MRC1: variants seen among roughly 807,000 people sequenced by gnomAD.
The protein encoded by MRC1 is mannose receptor C-type 1.
MRC1 carries 62 observed loss-of-function variants against 102.9 expected under a neutral mutation model. The ratio of observed to expected loss-of-function variants is 0.60; its 90% CI spans 0.49 to 0.74. The LOEUF is 0.74. Among genes scored for constraint, MRC1 ranks in the 30% least tolerant of loss-of-function variants. The pLI is 0.00. For synonymous variants in MRC1, 457 were observed against 298.4 expected, an observed-to-expected ratio of 1.53 and a Z score of -5.48; for missense variants, 1,237 against 862.8, an observed-to-expected ratio of 1.43 and a Z score of -5.43.
intron 22 of MRC1, among the ~76,000 whole-genome samples, chr10:17,890,879 G>A (rs1297076732): frequency 6.6e-6 from 1 of 152,034 alleles, no homozygotes; most frequent in Non-Finnish European, 1.5e-5. Flanking sequence ...ATTTACAGCC[G>A]TTCCTCGTCA....
intron 3 of MRC1, among the ~76,000 whole-genome samples, chr10:17,829,628 C>T (rs1487413064): frequency 6.6e-6 from 1 of 151,450 alleles, no homozygotes; most frequent in Non-Finnish European, 1.5e-5. Flanking sequence ...TAAGATAAAG[C>T]AATACTTGGT....
chr10:17,881,670 A>ATTT (rs1184943960), intron 21 of MRC1, among the ~76,000 whole-genome samples: 22,872 of 101,170 alleles, frequency 0.23, 2,374 homozygotes, highest in Admixed American at 0.25. Flanking sequence ...ACAAATTTTG[A>ATTT]TTTTTTTTTT....
chr10:17,905,880 A>G (rs1198831211), intron 26 of MRC1, among the ~76,000 whole-genome samples: 1 of 152,190 alleles, frequency 6.6e-6, no homozygotes, highest in African/African-American at 2.4e-5. Context: ...CAAAGATGGT[A>G]CCTATTTAAT....
intron 26 of MRC1, among the ~76,000 whole-genome samples, chr10:17,904,655 G>C (rs1027670151): frequency 2.9e-4 from 44 of 152,202 alleles, no homozygotes; most frequent in Non-Finnish European, 3.4e-4. Flanking sequence ...GGATCTGTCT[G>C]TGTGTTGGGA....
At chr10:17,844,002 G>C (rs1027145570) in intron 5 of MRC1, among the ~76,000 whole-genome samples, 13 of 152,288 alleles carry the variant, frequency 8.5e-5, no homozygotes, top group African/African-American at 3.1e-4. Flanking sequence ...TATTAGAGTA[G>C]CAAAACGCAT....
chr10:17,827,756 G>T, intron 3 of MRC1, 41 bp downstream of exon 3: 1 of 780,024 alleles, frequency 1.3e-6, no homozygotes, highest in Non-Finnish European at 2.4e-6. Flanking sequence ...GGCACATTTA[G>T]TCTGATAATG....
chr10:17,905,212 T>A (rs1014943371), intron 26 of MRC1, among the ~76,000 whole-genome samples: 27 of 152,232 alleles, frequency 1.8e-4, no homozygotes, highest in African/African-American at 6.3e-4. Context: ...GGCTGTTGGT[T>A]TTTAAGGCTA....
At position 17,858,657 on chromosome 10, in the gene MRC1, T is replaced by G. The variant is rs915828764; in HGVS notation, c.1518+2305T>G. ...CACAAGCTACCATGCCTGGCTAATT[T>G]TTGTATTTTTGGTAGAGATGGAGTT... is the stretch of plus-strand genomic sequence containing the variant. On this transcript the variant is annotated intron_variant, in intron 9 of 29. Transcript: ENST00000569591. Among the ~76,000 whole-genome samples, 11 of 152,276 alleles carry G rather than the reference T, an allele frequency of 7.2e-5. No homozygotes were observed. In the East Asian group the frequency reaches 2.1e-3, roughly 29 times the overall value.
intron 19 of MRC1, 107 bp from the exon 20 acceptor site, chr10:17,880,418 G>T (rs1262065318): frequency 2.7e-6 from 2 of 741,156 alleles, no homozygotes; most frequent in African/African-American, 3.5e-5. Flanking sequence ...TTTGATTATA[G>T]TCTAAATAAG....
chr10:17,812,887 T>C (rs1158703585), intron 1 of MRC1, among the ~76,000 whole-genome samples: 1 of 152,124 alleles, frequency 6.6e-6, no homozygotes, highest in Non-Finnish European at 1.5e-5. Flanking sequence ...AGGCTCTTGC[T>C]AGCTGCTGCT....
At chr10:17,859,538 G>T (rs1227268267) in intron 9 of MRC1, among the ~76,000 whole-genome samples, 1 of 152,222 alleles carries the variant, frequency 6.6e-6, no homozygotes. Context: ...AGGTGGTCTT[G>T]AACTCCTGAC....
intron 2 of MRC1, 98 bp from the exon 3 acceptor site, chr10:17,827,444 G>GAGT: frequency 3.8e-6 from 2 of 531,930 alleles, no homozygotes; most frequent in South Asian, 3.3e-5. Context: ...AGTGTAATCA[G>GAGT]AACAGTAAGA....
At position 17,815,045 on chromosome 10, in the gene MRC1, C is replaced by T. The variant is rs193278909; in HGVS notation, c.61+5519C>T. Among the ~76,000 whole-genome samples, 709 of 152,150 alleles carry T rather than the reference C, an allele frequency of 4.7e-3. 6 individuals are homozygous for T. Among genetic ancestry groups the T allele is most frequent in the African/African-American group, 0.017 (687 of 41,512 alleles). On this transcript the variant is annotated intron_variant, in intron 1 of 29. Transcript: ENST00000569591. ...TCTGAAACATCTCACACTGTCTGTA[C>T]GACTGATTTTGCCAAGTTAACAATA...
intron 5 of MRC1, among the ~76,000 whole-genome samples, chr10:17,842,541 G>A (rs1017493486): frequency 6.6e-6 from 1 of 152,064 alleles, no homozygotes; most frequent in Non-Finnish European, 1.5e-5. Context: ...TTACTGCAAG[G>A]GAATACATAT....
At chr10:17,818,157 C>G (rs1367022341) in intron 1 of MRC1, among the ~76,000 whole-genome samples, 7 of 152,254 alleles carry the variant, frequency 4.6e-5, no homozygotes, top group African/African-American at 1.4e-4. Flanking sequence ...TTCTAAATTG[C>G]TCTTCAGTAA....
In MRC1 at chr10:17,881,849, T is replaced by G. The variant is rs1261566412; in HGVS notation, c.2980+668T>G. On this transcript the variant is annotated intron_variant, in intron 21 of 29. Coordinates refer to ENST00000569591, the MANE Select transcript of MRC1 (RefSeq NM_002438.4). ...ATTTTTTAAAGTTTTTTTTTTTTTTTTTTTTTTTTTTTTTGGTAGAGATAG... is the reference window on the plus strand; with the variant it reads ...ATTTTTTAAAGTTTTTTTTTTTTTTGTTTTTTTTTTTTTTGGTAGAGATAG... Among the ~76,000 whole-genome samples, 5 of 138,146 alleles carry G rather than the reference T, an allele frequency of 3.6e-5. No individual in the cohort carries two copies. In the East Asian group the frequency reaches 1.0e-3, roughly 28 times the overall value. 90.6% of individuals were successfully genotyped at this position (138,146 alleles called of 152,430 possible). A position where few individuals can be genotyped will look rare whatever the true frequency, so the allele number is the denominator to read the frequency against.
chr10:17,859,588 G>C (rs2130658041), intron 9 of MRC1, among the ~76,000 whole-genome samples: 1 of 152,222 alleles, frequency 6.6e-6, no homozygotes, highest in Non-Finnish European at 1.5e-5. Flanking sequence ...AAAGTGTTGG[G>C]GTTACAGGTG....
At chr10:17,850,817 A>C (rs2130643890) in intron 7 of MRC1, among the ~76,000 whole-genome samples, 1 of 152,288 alleles carries the variant, frequency 6.6e-6, no homozygotes, top group South Asian at 2.1e-4. Flanking sequence ...AAACAAATAG[A>C]GTAGTAGCAG....
chr10:17,908,569 T>A (rs1481555595), intron 28 of MRC1, among the ~76,000 whole-genome samples: 1 of 151,982 alleles, frequency 6.6e-6, no homozygotes, highest in Non-Finnish European at 1.5e-5. Flanking sequence ...TTTATTTTTT[T>A]TGTTTTGTTT....
Sources: gnomAD v4.1 joint callset for allele counts (sites outside exome capture counted in the v4.1 genomes callset) on GRCh38, gnomAD v4.1.1 for gene constraint, MANE v1.5 for transcripts, NCBI Gene and HGNC (gene_info 2026-07-23, HGNC 2026-07-21) for gene names.